The following HOOK3 variants were observed in gnomAD, a reference collection of about 807,000 sequenced individuals.
The protein encoded by HOOK3 is protein Hook homolog 3.
Under a neutral mutation model 116.3 loss-of-function variants are expected in HOOK3, and 24 were observed. That is an observed-to-expected ratio of 0.21 (90% CI 0.15 to 0.29). The LOEUF (loss-of-function observed/expected upper bound fraction) is 0.29. HOOK3 is among the 10% of genes least tolerant of loss of function. HOOK3 has a pLI of 1.00. For synonymous variants in HOOK3, 275 were observed against 283.0 expected (o/e 0.97, Z 0.28); for missense variants, 632 against 830.2 (o/e 0.76, Z 2.93).
chr8:42,940,831 T>A (rs1808101297), intron 4 of HOOK3, among the ~76,000 whole-genome samples: 1 of 152,222 alleles, frequency 6.6e-6, no homozygotes, highest in Non-Finnish European at 1.5e-5. Flanking sequence ...CTAGATAATA[T>A]CCTGAAGAGT....
rs1286891411 is a variant in HOOK3, at chr8:43,027,836, G to GTAGT, written c.*9341_*9344dup. On this transcript the variant is annotated 3_prime_UTR_variant, in exon 22 of 22. Transcript: ENST00000307602. ...AGTGTTCCACAGTCACATGTGGATA[G>GTAGT]TAGTTACCTATCAGACAGTACAGGT... is the stretch of plus-strand genomic sequence containing the variant. 1 of 203,148 alleles carries GTAGT rather than the reference G, an allele frequency of 4.9e-6. No individual in the cohort carries two copies. Among genetic ancestry groups the GTAGT allele is most frequent in the East Asian group, 7.7e-5 (1 of 13,014 alleles). The allele number at this position is 203,148 out of a possible 1,614,324, so 12.6% of individuals were successfully genotyped here. A position where few individuals can be genotyped will look rare whatever the true frequency, so the allele number is the denominator to read the frequency against.
At chr8:42,959,667 C>T (rs779579833) in intron 8 of HOOK3, among the ~76,000 whole-genome samples, 5 of 134,018 alleles carry the variant, frequency 3.7e-5, no homozygotes, top group East Asian at 2.1e-4. Flanking sequence ...TGCAGTGAGC[C>T]GAGATTGTGC....
intron 6 of HOOK3, 120 bp from the exon 7 acceptor site, chr8:42,956,974 T>A: frequency 2.0e-6 from 1 of 506,704 alleles, no homozygotes; most frequent in Non-Finnish European, 3.4e-6. Flanking sequence ...TTTACATGCA[T>A]GTTTTCATTT....
At chr8:42,992,167 G>A (rs181713840) in intron 15 of HOOK3, among the ~76,000 whole-genome samples, 183 of 152,190 alleles carry the variant, frequency 1.2e-3, no homozygotes, top group African/African-American at 4.3e-3. Context: ...TTGGGAGGCC[G>A]AGGCGGGTGG....
At chr8:42,940,425 G>GGCA (rs1325078282) in intron 4 of HOOK3, among the ~76,000 whole-genome samples, 1 of 152,258 alleles carries the variant, frequency 6.6e-6, no homozygotes, top group Non-Finnish European at 1.5e-5. Flanking sequence ...GAGCCGAGAT[G>GGCA]GCAGCAGTAC....
At chr8:42,900,598 C>T (rs1285973167) in intron 1 of HOOK3, among the ~76,000 whole-genome samples, 1 of 152,118 alleles carries the variant, frequency 6.6e-6, no homozygotes, top group Non-Finnish European at 1.5e-5. Context: ...ATTCTGCCAA[C>T]AATTTTTGTC....
chr8:43,008,943 G>A (rs1246057387), intron 18 of HOOK3, among the ~76,000 whole-genome samples: 4 of 152,026 alleles, frequency 2.6e-5, no homozygotes, highest in Non-Finnish European at 5.9e-5. Context: ...ACAGGCGTGA[G>A]CCACCGCGCC....
At chr8:42,986,890 C>T in intron 15 of HOOK3, 95 bp downstream of exon 15, 1 of 1,325,036 alleles carries the variant, frequency 7.5e-7, no homozygotes, top group Non-Finnish European at 1.1e-6. Flanking sequence ...GGCATGGTGG[C>T]TCACGCCTGT....
chr8:43,009,763 C>A (rs1265459461), intron 18 of HOOK3, among the ~76,000 whole-genome samples: 1 of 152,154 alleles, frequency 6.6e-6, no homozygotes, highest in African/African-American at 2.4e-5. Flanking sequence ...TTTTACCCAT[C>A]TACAAAACTG....
intron 4 of HOOK3, among the ~76,000 whole-genome samples, chr8:42,940,419 C>T (rs1054150065): frequency 1.3e-5 from 2 of 152,280 alleles, no homozygotes; most frequent in East Asian, 1.9e-4. Context: ...TGCAGTGAGC[C>T]GAGATGGCAG....
intron 1 of HOOK3, among the ~76,000 whole-genome samples, chr8:42,905,237 CG>C (rs1444258750): frequency 2.0e-5 from 3 of 149,244 alleles, no homozygotes; most frequent in African/African-American, 7.4e-5. Flanking sequence ...TCTCACATAC[CG>C]GGAGGCATCA....
intron 6 of HOOK3, among the ~76,000 whole-genome samples, chr8:42,954,535 C>G (rs1376107211): frequency 1.3e-5 from 2 of 152,182 alleles, no homozygotes; most frequent in Non-Finnish European, 2.9e-5. Flanking sequence ...AAAAGGGTAT[C>G]TTAGGACAGA....
At position 43,010,337 on chromosome 8, in the gene HOOK3, C is replaced by T. The variant is rs967051945; in HGVS notation, c.1771C>T (p.Arg591Ter). ...LKIEELQEAL[R>*]KKEEEMKQME... Reference sequence around the variant, plus strand: ...AATTGAAGAATTACAAGAAGCTTTACGAAAGAAAGAGGAAGAAATGAAGCA... The same window carrying T: ...AATTGAAGAATTACAAGAAGCTTTATGAAAGAAAGAGGAAGAAATGAAGCA... The change falls in exon 19 of 22, where the codon CGA (arginine) becomes TGA (stop). Residue 591 changes from arginine (R) to a stop codon, truncating the protein, a stop_gained. Coordinates refer to ENST00000307602, the MANE Select transcript of HOOK3 (RefSeq NM_032410.4). LOFTEE classifies it high-confidence loss of function. The T allele has an allele frequency of 3.4e-6, 5 of 1,471,892 alleles. No homozygotes were observed. The highest frequency in any genetic ancestry group is 2.7e-5 in the East Asian group (1 of 37,548). 91.2% of individuals were successfully genotyped at this position (1,471,892 alleles called of 1,614,324 possible).
chr8:42,964,347 G>A lies in HOOK3; in HGVS notation c.652G>A (p.Ala218Thr). The change falls in exon 9 of 22, where the codon GCA (alanine) becomes ACA (threonine). Residue 218 changes from alanine to threonine, a missense_variant. Physicochemically the swap from Ala to Thr is moderately conservative, Grantham distance 58. Transcript: ENST00000307602. ...GCAGGAAGAGAAAAGTAGTTTGTTG[G>A]CAGAGAATCAGGTATTAATGGAAAG... ...ALQEEKSSLL[A>T]ENQVLMERLN... 1 of 1,614,112 alleles carries A rather than the reference G, an allele frequency of 6.2e-7. No homozygotes were observed. Among genetic ancestry groups the A allele is most frequent in the Non-Finnish European group, 8.5e-7 (1 of 1,179,998 alleles).
At chr8:42,920,525 C>T (rs1477645484) in intron 2 of HOOK3, among the ~76,000 whole-genome samples, 1 of 152,130 alleles carries the variant, frequency 6.6e-6, no homozygotes, top group Non-Finnish European at 1.5e-5. Context: ...GTACCAGCCA[C>T]GGGGGATTGG....
intron 10 of HOOK3, 50 bp from the exon 11 acceptor site, chr8:42,967,963 T>C (rs2130425878): frequency 6.8e-6 from 7 of 1,027,278 alleles, no homozygotes; most frequent in Non-Finnish European, 9.1e-6. Context: ...GAAACAACTT[T>C]ACAAGTGTGG....
intron 21 of HOOK3, among the ~76,000 whole-genome samples, chr8:43,016,319 A>G (rs1191979049): frequency 1.3e-5 from 2 of 151,976 alleles, no homozygotes; most frequent in East Asian, 3.9e-4. Context: ...ACAGGGTTTC[A>G]CCGTTTTAGC....
At chr8:42,914,431 C>T (rs1807492555) in intron 2 of HOOK3, among the ~76,000 whole-genome samples, 1 of 152,078 alleles carries the variant, frequency 6.6e-6, no homozygotes, top group African/African-American at 2.4e-5. Flanking sequence ...ATATGTAATC[C>T]ATCCACAATC....
chr8:42,936,980 T>C (rs1214994124), intron 4 of HOOK3, among the ~76,000 whole-genome samples: 5 of 152,250 alleles, frequency 3.3e-5, no homozygotes, highest in Non-Finnish European at 7.3e-5. Context: ...AGCTCCTCTT[T>C]GTACCTCTGG....
Sources: gnomAD v4.1 joint callset for allele counts (sites outside exome capture counted in the v4.1 genomes callset) on GRCh38, gnomAD v4.1.1 for gene constraint, MANE v1.5 for transcripts, NCBI Gene and HGNC (gene_info 2026-07-23, HGNC 2026-07-21) for gene names.